The following SYNPO2 variants were observed in gnomAD, a reference collection of about 807,000 sequenced individuals.
The protein encoded by SYNPO2 is synaptopodin-2.
SYNPO2 carries 56 observed loss-of-function variants against 85.0 expected under a neutral mutation model. The ratio of observed to expected loss-of-function variants is 0.66; its 90% CI spans 0.53 to 0.82. SYNPO2 has a LOEUF of 0.82. Among genes scored for constraint, SYNPO2 ranks in the 40% least tolerant of loss-of-function variants. The pLI is 0.00. For synonymous variants in SYNPO2, 602 were observed against 591.1 expected, an observed-to-expected ratio of 1.02 and a Z score of -0.27; for missense variants, 1,575 against 1,534.2, an observed-to-expected ratio of 1.03 and a Z score of -0.44.
At chr4:119,002,097 G>A (rs1736841789) in intron 1 of SYNPO2, among the ~76,000 whole-genome samples, 1 of 152,082 alleles carries the variant, frequency 6.6e-6, no homozygotes, top group Non-Finnish European at 1.5e-5. Context: ...AGTATGTTAG[G>A]AATACTTTTT....
chr4:119,012,393 T>TTTAA (rs1553946399), intron 1 of SYNPO2, among the ~76,000 whole-genome samples: 3 of 130,822 alleles, frequency 2.3e-5, no homozygotes, highest in South Asian at 2.4e-4. Flanking sequence ...TTTTTTTTTT[T>TTTAA]ATTTTACTTT....
chr4:119,049,845 A>C (rs532140230), intron 4 of SYNPO2, among the ~76,000 whole-genome samples: 2 of 152,338 alleles, frequency 1.3e-5, no homozygotes, highest in South Asian at 4.1e-4. Context: ...TCTCATCTTC[A>C]TGCAGCAGAA....
chr4:118,890,303 A>C (rs1452737530), intron 1 of SYNPO2, among the ~76,000 whole-genome samples: 1 of 152,074 alleles, frequency 6.6e-6, no homozygotes. Flanking sequence ...AAACATCAAG[A>C]ATGAACCATA....
intron 1 of SYNPO2, among the ~76,000 whole-genome samples, chr4:118,870,682 C>T (rs1269154044): frequency 6.6e-6 from 1 of 152,182 alleles, no homozygotes; most frequent in Non-Finnish European, 1.5e-5. Flanking sequence ...TATTTCTCCA[C>T]AGCCTTACCA....
chr4:119,006,869 C>G (rs1048517782), intron 1 of SYNPO2, among the ~76,000 whole-genome samples: 2 of 152,034 alleles, frequency 1.3e-5, no homozygotes, highest in East Asian at 3.9e-4. Context: ...CGTTTATTAG[C>G]AACCAAGTTT....
At position 118,933,826 on chromosome 4, in the gene SYNPO2, G is replaced by GTTTT. The variant is rs1408105428; in HGVS notation, c.105+44687_105+44688insTTTT. Among the ~76,000 whole-genome samples the GTTTT allele has an allele frequency of 6.4e-4, 14 of 22,040 alleles. No homozygotes were observed. The South Asian group carries it at 0.012, about 19-fold the overall frequency. 14.5% of individuals were successfully genotyped at this position (22,040 alleles called of 152,430 possible). On this transcript the variant is annotated intron_variant, in intron 1 of 4. Coordinates refer to ENST00000307142, the MANE Select transcript of SYNPO2 (RefSeq NM_133477.3). The stretch of plus-strand genomic sequence containing the variant: ...GTCATAGCTGCTTTTTGCTGTTGTT[G>GTTTT]TTGTTTTTTTTTTTTTTTTTGGACA...
chr4:119,023,372 G>A (rs1269546654), intron 1 of SYNPO2, 58 bp from the exon 2 acceptor site: 1 of 1,515,070 alleles, frequency 6.6e-7, no homozygotes, highest in Non-Finnish European at 8.9e-7. Flanking sequence ...CAGAGATGGT[G>A]GCTTGCTTTT....
chr4:118,860,356 A>T (rs1015457240), intron 1 of SYNPO2, among the ~76,000 whole-genome samples: 3 of 151,308 alleles, frequency 2.0e-5, no homozygotes, highest in African/African-American at 7.3e-5. Flanking sequence ...TGAGCCTCCC[A>T]CCTCAGCCTC....
At chr4:118,863,753 A>C (rs1273964220) in intron 1 of SYNPO2, among the ~76,000 whole-genome samples, 1 of 151,574 alleles carries the variant, frequency 6.6e-6, no homozygotes, top group Non-Finnish European at 1.5e-5. Context: ...CTGGGACTAC[A>C]GGCGCAAGCC....
intron 2 of SYNPO2, among the ~76,000 whole-genome samples, 175 bp downstream of exon 2, chr4:119,023,756 C>T (rs1444664263): frequency 1.3e-5 from 2 of 152,260 alleles, no homozygotes; most frequent in East Asian, 3.9e-4. Flanking sequence ...TTCTAGTCAA[C>T]CAAACTTTCT....
chr4:118,860,562 G>T (rs10023636), intron 1 of SYNPO2, among the ~76,000 whole-genome samples: 16,482 of 100,282 alleles, frequency 0.16, 1,974 homozygotes, highest in Non-Finnish European at 0.19. Flanking sequence ...CTTTTTTTTT[G>T]TTTTTTTTTT....
chr4:118,930,414 T>C (rs1733884208), intron 1 of SYNPO2, among the ~76,000 whole-genome samples: 1 of 152,200 alleles, frequency 6.6e-6, no homozygotes, highest in African/African-American at 2.4e-5. Context: ...TACTTCTGTA[T>C]AGCATTTGCA....
intron 4 of SYNPO2, chr4:119,038,312 A>C (rs1484334702): frequency 3.1e-5 from 31 of 985,248 alleles, no homozygotes; most frequent in Non-Finnish European, 3.6e-5. Flanking sequence ...ATCAGATGCT[A>C]TGACGCATGT....
In SYNPO2 at chr4:119,059,644, A is replaced by G. The variant is rs923571814; in HGVS notation, c.*1710A>G. The G allele has an allele frequency of 3.9e-5, 6 of 152,088 alleles. No individual in the cohort carries two copies. Among genetic ancestry groups the G allele is most frequent in the African/African-American group, 9.7e-5 (4 of 41,428 alleles). 9.4% of individuals were successfully genotyped at this position (152,088 alleles called of 1,614,324 possible). A position where few individuals can be genotyped will look rare whatever the true frequency, so the allele number is the denominator to read the frequency against. ...CTTTGTGTTACTTTTTTGCTCTTGA[A>G]TGTATCGTTATGATGGTCTCTTATA... On this transcript the variant is annotated 3_prime_UTR_variant, in exon 5 of 5. Transcript: ENST00000307142.
At chr4:119,033,047 G>A (rs1013918056) in intron 4 of SYNPO2, 58 of 982,016 alleles carry the variant, frequency 5.9e-5, no homozygotes, top group Non-Finnish European at 6.1e-5. Context: ...GGATAACGAA[G>A]TAACATGTAA....
chr4:119,032,936 C>T, intron 4 of SYNPO2: 2 of 964,734 alleles, frequency 2.1e-6, no homozygotes, highest in Non-Finnish European at 2.5e-6. Context: ...GATTCCCACC[C>T]TCCCTCCCCA....
At chr4:118,937,268 C>A (rs1430245861) in intron 1 of SYNPO2, among the ~76,000 whole-genome samples, 1 of 152,154 alleles carries the variant, frequency 6.6e-6, no homozygotes, top group African/African-American at 2.4e-5. Flanking sequence ...CAGATACACT[C>A]ATTTCCTTTC....
At position 119,027,176 on chromosome 4, in the gene SYNPO2, A is replaced by C. The variant is rs1427340411; in HGVS notation, c.807A>C (p.Arg269Ser). The C allele has an allele frequency of 1.2e-6, 2 of 1,614,046 alleles. No individual in the cohort carries two copies. Among genetic ancestry groups the C allele is most frequent in the East Asian group, 4.5e-5 (2 of 44,882 alleles). Residue 269 changes from arginine to serine, a missense_variant, in exon 3 of 5, where the codon AGA becomes AGC. Around this residue, in one of 3 missense-constraint regions of SYNPO2, gnomAD observed 1,508 missense variants for 1,446.8 expected, o/e 1.04. Transcript: ENST00000307142. ...IIQISSGRELRVIQESEAGDA... is the reference protein window; with the variant it reads ...IIQISSGRELSVIQESEAGDA... Reference sequence around the variant, plus strand: ...AGATCTCCAGTGGCAGAGAGTTGAGAGTGATCCAGGAAAGTGAAGCAGGAG... The same window carrying C: ...AGATCTCCAGTGGCAGAGAGTTGAGCGTGATCCAGGAAAGTGAAGCAGGAG...
chr4:118,944,914 T>G (rs1734444974), intron 1 of SYNPO2, among the ~76,000 whole-genome samples: 1 of 152,188 alleles, frequency 6.6e-6, no homozygotes, highest in East Asian at 1.9e-4. Flanking sequence ...GTGTGGTGGT[T>G]AAGCACTGCA....
Sources: gnomAD v4.1 joint callset for allele counts (sites outside exome capture counted in the v4.1 genomes callset) on GRCh38, gnomAD v4.1.1 for gene constraint, gnomAD v4.1.1 regional missense constraint, MANE v1.5 for transcripts, NCBI Gene and HGNC (gene_info 2026-07-23, HGNC 2026-07-21) for gene names.